The following CABLES1 variants were observed in gnomAD, a reference collection of about 807,000 sequenced individuals.
CABLES1 encodes Cdk5 and Abl enzyme substrate 1, also known as CDK5 and ABL1 enzyme substrate 1.
CABLES1 carries 36 observed loss-of-function variants against 57.8 expected under a neutral mutation model. The observed-to-expected ratio is 0.62, with a 90% CI of 0.48 to 0.82. CABLES1 has a LOEUF of 0.82. Ranked by LOEUF, CABLES1 falls within the 40% of genes least tolerant of loss-of-function variation. The pLI is 0.00. For missense variants in CABLES1, 767 were observed against 836.6 expected (o/e 0.92, Z 1.03); for synonymous variants, 374 against 363.0 (o/e 1.03, Z -0.35).
rs1020716423 is a variant in CABLES1, at chr18:23,136,218, C to T, written c.456C>T (p.Gly152=). The T allele has an allele frequency of 3.7e-5, 47 of 1,260,044 alleles. No homozygotes were observed. Among genetic ancestry groups the T allele is most frequent in the East Asian group, 6.5e-5 (2 of 30,742 alleles). The allele number at this position is 1,260,044 out of a possible 1,614,324, so 78.1% of individuals were successfully genotyped here. Residue 152 remains glycine, a synonymous_variant, in exon 1 of 10, where the codon GGC becomes GGT. Coordinates refer to ENST00000256925, the MANE Select transcript of CABLES1 (RefSeq NM_001100619.3). ...CGTCGCTGCCGCCCTTGATTCCTGG[C>T]GGCCATGCGACCGTGTCCGGCCCCG... ...QPSSLPPLIP[G]GHATVSGPGV... is the part of the protein sequence containing the mutation.
chr18:23,188,543 T>TTGTGTGTGTGTG (rs55888102), intron 1 of CABLES1, among the ~76,000 whole-genome samples: 139 of 149,060 alleles, frequency 9.3e-4, no homozygotes, highest in African/African-American at 3.0e-3. Context: ...CACCTTGTCT[T>TTGTGTGTGTGTG]TGTGTGTGTG....
At chr18:23,212,077 T>C (rs2047409078) in intron 3 of CABLES1, among the ~76,000 whole-genome samples, 1 of 152,240 alleles carries the variant, frequency 6.6e-6, no homozygotes, top group Admixed American at 6.5e-5. Flanking sequence ...GCTACTCCGA[T>C]GTAGACAGCC....
chr18:23,189,252 C>T (rs2047224549), intron 2 of CABLES1: 1 of 218,472 alleles, frequency 4.6e-6, no homozygotes, highest in East Asian at 1.3e-4. Context: ...AGGTACAGTC[C>T]TGGACTTCAT....
At chr18:23,211,632 G>A (rs1219066188) in intron 3 of CABLES1, among the ~76,000 whole-genome samples, 1 of 152,250 alleles carries the variant, frequency 6.6e-6, no homozygotes, top group Non-Finnish European at 1.5e-5. Flanking sequence ...GCCCCCAAGG[G>A]GCAGGCTTTT....
intron 3 of CABLES1, among the ~76,000 whole-genome samples, chr18:23,205,948 ACCAGTAG>A (rs1023225208): frequency 6.6e-6 from 1 of 152,168 alleles, no homozygotes; most frequent in African/African-American, 2.4e-5. Context: ...CCATGGAGCC[ACCAGTAG>A]CCAGGAGACA....
At chr18:23,187,293 G>T (rs971066350) in intron 1 of CABLES1, among the ~76,000 whole-genome samples, 1 of 152,244 alleles carries the variant, frequency 6.6e-6, no homozygotes, top group African/African-American at 2.4e-5. Context: ...CACAGAGGGC[G>T]ATGTGTGTGC....
At chr18:23,153,237 G>T (rs9961220) in intron 1 of CABLES1, among the ~76,000 whole-genome samples, 122,655 of 151,774 alleles carry the variant, frequency 0.81, 49,941 homozygotes, top group African/African-American at 0.88. Flanking sequence ...CTGGGCCTAC[G>T]GGCATGCACT....
intron 1 of CABLES1, chr18:23,149,859 C>T (rs1207777467): frequency 2.6e-5 from 4 of 152,254 alleles, no homozygotes; most frequent in African/African-American, 4.8e-5. Context: ...TGTGTACCTC[C>T]AGCTTTACTG....
At chr18:23,179,063 A>G (rs902184840) in intron 1 of CABLES1, among the ~76,000 whole-genome samples, 1 of 152,186 alleles carries the variant, frequency 6.6e-6, no homozygotes, top group African/African-American at 2.4e-5. Context: ...AGGCGGGCCA[A>G]TTGCCTGAAG....
At chr18:23,194,690 C>G in intron 3 of CABLES1, 150 bp downstream of exon 3, 1 of 611,538 alleles carries the variant, frequency 1.6e-6, no homozygotes, top group Non-Finnish European at 2.9e-6. Flanking sequence ...CGACAATTTC[C>G]ACCCCACTCA....
At chr18:23,188,249 G>A (rs147922166) in intron 1 of CABLES1, among the ~76,000 whole-genome samples, 6 of 152,260 alleles carry the variant, frequency 3.9e-5, no homozygotes, top group African/African-American at 7.2e-5. Context: ...AATGTTTTGC[G>A]TAATCATGCC....
chr18:23,239,379 T>A (rs997384558), intron 7 of CABLES1, among the ~76,000 whole-genome samples: 3 of 152,242 alleles, frequency 2.0e-5, no homozygotes, highest in Admixed American at 2.0e-4. Flanking sequence ...TGTTTCCTAT[T>A]CTGGCCACAG....
At chr18:23,229,009 T>G (rs919856182) in intron 4 of CABLES1, among the ~76,000 whole-genome samples, 3 of 152,226 alleles carry the variant, frequency 2.0e-5, no homozygotes, top group Non-Finnish European at 2.9e-5. Flanking sequence ...CGTGTTCACC[T>G]CTGAGTAAAA....
chr18:23,139,919 A>G (rs964529013), intron 1 of CABLES1, among the ~76,000 whole-genome samples: 2 of 152,224 alleles, frequency 1.3e-5, no homozygotes, highest in Admixed American at 6.5e-5. Context: ...TCGTACTGGT[A>G]TAATTCAACA....
At chr18:23,204,816 A>T (rs1342411788) in intron 3 of CABLES1, among the ~76,000 whole-genome samples, 1 of 152,184 alleles carries the variant, frequency 6.6e-6, no homozygotes, top group Non-Finnish European at 1.5e-5. Flanking sequence ...AAACCAACAG[A>T]TCTCCTGAGA....
At chr18:23,197,368 G>A (rs1433522725) in intron 3 of CABLES1, 2 of 152,208 alleles carry the variant, frequency 1.3e-5, no homozygotes, top group African/African-American at 2.4e-5. Context: ...CGCCTTCCGC[G>A]GAAGTACGTG....
chr18:23,205,679 C>T (rs540554996), intron 3 of CABLES1, among the ~76,000 whole-genome samples: 25 of 152,260 alleles, frequency 1.6e-4, no homozygotes, highest in Middle Eastern at 3.4e-3. Flanking sequence ...TAATCCAATA[C>T]GACCGATATC....
Position 23,169,902 on chromosome 18 carries a change from C to T in CABLES1, c.846-18936C>T, listed in dbSNP as rs902834954. ...CCTCGTGTTTCCCGTAATTGGAGTCCGCCACTGTGTGGGGTCATGGGCAGC... is the reference window on the plus strand; with the variant it reads ...CCTCGTGTTTCCCGTAATTGGAGTCTGCCACTGTGTGGGGTCATGGGCAGC... On this transcript the variant is annotated intron_variant, in intron 1 of 9. Transcript: ENST00000256925. 3.3e-5 allele frequency among the ~76,000 whole-genome samples: 5 copies of T among 152,018 alleles called. 1 individual carries two copies. The highest frequency in any genetic ancestry group is 4.4e-5 in the Non-Finnish European group (3 of 68,006).
At chr18:23,191,246 T>C (rs1010598430) in intron 2 of CABLES1, among the ~76,000 whole-genome samples, 2 of 152,086 alleles carry the variant, frequency 1.3e-5, no homozygotes, top group Non-Finnish European at 2.9e-5. Context: ...AAAAGAAAAC[T>C]TAAAAAAAAG....
Sources: allele counts gnomAD v4.1 joint callset (sites outside exome capture counted in the v4.1 genomes callset), GRCh38; gene constraint gnomAD v4.1.1; transcripts MANE v1.5; gene names NCBI Gene and HGNC (gene_info 2026-07-23, HGNC 2026-07-21).